The following TENM3 variants were observed in gnomAD, a reference collection of about 807,000 sequenced individuals.
TENM3 encodes teneurin-3.
In TENM3, 63 loss-of-function variants were observed where a neutral mutation model predicts 255.1. The observed-to-expected ratio is 0.25, with a 90% CI of 0.20 to 0.30. The LOEUF (loss-of-function observed/expected upper bound fraction) is 0.30. Ranked by LOEUF, TENM3 falls within the 10% of genes least tolerant of loss-of-function variation. TENM3 has a pLI of 1.00. For synonymous variants in TENM3, 1,306 were observed against 1,322.3 expected (o/e 0.99, Z 0.27); for missense variants, 2,929 against 3,461.1 (o/e 0.85, Z 3.86).
At chr4:182,161,959 GTATATATATATATATATATATATATA>G (rs766414090) in intron 1 of TENM3, among the ~76,000 whole-genome samples, 1 of 16,270 alleles carries the variant, frequency 6.1e-5, no homozygotes, top group Admixed American at 8.2e-4. Flanking sequence ...GTGTGTGTGT[GTATATATATATATATATATATATATA>G]TATATATATA....
At chr4:181,605,617 A>AAAGAAAGGAAAGAAAGAAAGAAAGAAAG in the TENM3 span, among the ~76,000 whole-genome samples, 1 of 95,254 alleles carries the variant, frequency 1.0e-5, no homozygotes, top group African/African-American at 3.1e-5. Context: ...AAGAAAGAAA[A>AAAGAAAGGAAAGAAAGAAAGAAAGAAAG]GAAAGAACAA....
At chr4:181,943,948 T>A in the TENM3 span, among the ~76,000 whole-genome samples, 17 of 152,200 alleles carry the variant, frequency 1.1e-4, no homozygotes, top group Middle Eastern at 6.8e-3. Context: ...AAAATATCCT[T>A]AAATTTCTGA....
At chr4:182,253,050 TTTTA>T (rs1177864898) in intron 1 of TENM3, among the ~76,000 whole-genome samples, 2 of 152,228 alleles carry the variant, frequency 1.3e-5, no homozygotes, top group Non-Finnish European at 2.9e-5. Context: ...AAAATGATTT[TTTTA>T]TTTGTTTGTT....
At chr4:182,593,544 T>G (rs1327541885) in intron 3 of TENM3, among the ~76,000 whole-genome samples, 2 of 152,112 alleles carry the variant, frequency 1.3e-5, no homozygotes, top group Non-Finnish European at 2.9e-5. Flanking sequence ...CCCTTCCAGA[T>G]TAGGGTATTT....
At chr4:182,497,116 C>G (rs4862072) in intron 3 of TENM3, among the ~76,000 whole-genome samples, 32,645 of 151,322 alleles carry the variant, frequency 0.22, 4,458 homozygotes, top group African/African-American at 0.38. Flanking sequence ...TGCAGTGGCA[C>G]GATCTCAGCT....
At chr4:182,490,459 G>A (rs192488812) in intron 3 of TENM3, among the ~76,000 whole-genome samples, 70 of 152,100 alleles carry the variant, frequency 4.6e-4, no homozygotes, top group Admixed American at 8.5e-4. Context: ...CTGGGTGACA[G>A]TATCCTCAGT....
At chr4:181,858,598 T>G in the TENM3 span, among the ~76,000 whole-genome samples, 1 of 152,182 alleles carries the variant, frequency 6.6e-6, no homozygotes, top group African/African-American at 2.4e-5. Context: ...CAGGATGCGT[T>G]TGCAGAACAG....
chr4:182,331,635 T>C (rs1763762530), intron 2 of TENM3, among the ~76,000 whole-genome samples: 1 of 152,122 alleles, frequency 6.6e-6, no homozygotes, highest in South Asian at 2.1e-4. Flanking sequence ...GACATACACT[T>C]AAAATGGTAA....
At chr4:181,938,569 G>A in the TENM3 span, among the ~76,000 whole-genome samples, 16 of 152,260 alleles carry the variant, frequency 1.1e-4, no homozygotes, top group Middle Eastern at 3.4e-3. Context: ...CCTAAAACTC[G>A]TATTTCCAAC....
intron 1 of TENM3, among the ~76,000 whole-genome samples, chr4:182,288,041 G>A (rs140963287): frequency 0.029 from 4,335 of 150,524 alleles, 201 homozygotes; most frequent in African/African-American, 0.098. Flanking sequence ...GGGTTCAAGC[G>A]ATTCTCCTGC....
chr4:181,495,715 T>C, the TENM3 span, among the ~76,000 whole-genome samples: 2 of 151,872 alleles, frequency 1.3e-5, no homozygotes, highest in Non-Finnish European at 2.9e-5. Flanking sequence ...GCAGGTGAAA[T>C]GAATCTGTTA....
chr4:181,834,234 T>C, the TENM3 span, among the ~76,000 whole-genome samples: 2 of 152,170 alleles, frequency 1.3e-5, no homozygotes, highest in Non-Finnish European at 2.9e-5. Flanking sequence ...AAACCTTTTA[T>C]TCTCCAACTC....
At chr4:182,600,647 G>T (rs1268680752) in intron 3 of TENM3, among the ~76,000 whole-genome samples, 3 of 150,604 alleles carry the variant, frequency 2.0e-5, no homozygotes, top group Admixed American at 1.3e-4. Context: ...AAAACCAGAT[G>T]AAAAAAAAAT....
intron 3 of TENM3, among the ~76,000 whole-genome samples, chr4:182,371,295 G>T (rs560461353): frequency 2.0e-5 from 3 of 150,076 alleles, no homozygotes; most frequent in East Asian, 2.0e-4. Context: ...TGTTGATGTT[G>T]GTACCCAGCA....
intron 2 of TENM3, among the ~76,000 whole-genome samples, chr4:182,332,204 A>T (rs1325387005): frequency 1.3e-5 from 2 of 152,156 alleles, no homozygotes; most frequent in African/African-American, 4.8e-5. Context: ...AATAAATAAC[A>T]AAAAGATAAA....
the TENM3 span, among the ~76,000 whole-genome samples, chr4:181,583,952 A>T: frequency 1.3e-5 from 2 of 152,168 alleles, no homozygotes; most frequent in African/African-American, 4.8e-5. Flanking sequence ...ATACTCTCAT[A>T]GCCCCTTTCA....
chr4:182,364,774 T>C (rs1766309385), intron 3 of TENM3, among the ~76,000 whole-genome samples: 1 of 152,168 alleles, frequency 6.6e-6, no homozygotes, highest in South Asian at 2.1e-4. Flanking sequence ...TTCTATAACA[T>C]AGTACTTTTT....
At chr4:182,275,346 G>A (rs1384539420) in intron 1 of TENM3, among the ~76,000 whole-genome samples, 2 of 152,104 alleles carry the variant, frequency 1.3e-5, no homozygotes, top group South Asian at 2.1e-4. Flanking sequence ...GCTCTTCAAG[G>A]GCAAGTAGTG....
the TENM3 span, among the ~76,000 whole-genome samples, chr4:181,483,842 C>A: frequency 6.6e-6 from 1 of 152,148 alleles, no homozygotes; most frequent in East Asian, 1.9e-4. Flanking sequence ...TCTTTATCAG[C>A]AAACTTCTAT....
Sources: allele counts gnomAD v4.1 joint callset (sites outside exome capture counted in the v4.1 genomes callset), GRCh38; gene constraint gnomAD v4.1.1; transcripts MANE v1.5; gene names NCBI Gene and HGNC (gene_info 2026-07-23, HGNC 2026-07-21).